CDC42BPA: variants seen among roughly 807,000 people sequenced by gnomAD.
CDC42BPA encodes CDC42 binding protein kinase alpha, also known as serine/threonine-protein kinase MRCK alpha.
A neutral mutation model predicts 223.5 loss-of-function variants in CDC42BPA; 80 were observed. That is an observed-to-expected ratio of 0.36 (90% confidence interval 0.30 to 0.43). The LOEUF is 0.43. Ranked by LOEUF, CDC42BPA falls within the 20% of genes least tolerant of loss-of-function variation. CDC42BPA has a pLI of 1.00. For synonymous variants in CDC42BPA, 694 were observed against 718.6 expected (o/e 0.97, Z 0.55); for missense variants, 1,743 against 2,099.9 (o/e 0.83, Z 3.32).
At chr1:227,200,438 A>AAAAGC (rs61509120) in intron 3 of CDC42BPA, among the ~76,000 whole-genome samples, 1 of 96,026 alleles carries the variant, frequency 1.0e-5, no homozygotes, top group African/African-American at 3.6e-5. Flanking sequence ...CTTAAAAAAC[A>AAAAGC]AACAAACAAA....
chr1:227,316,597 C>T (rs1466120128), intron 1 of CDC42BPA, among the ~76,000 whole-genome samples: 1 of 152,204 alleles, frequency 6.6e-6, no homozygotes, highest in East Asian at 1.9e-4. Flanking sequence ...TTTAATATCT[C>T]CTCCTATTTT....
intron 15 of CDC42BPA, among the ~76,000 whole-genome samples, chr1:227,100,314 T>C (rs1007690806): frequency 3.3e-5 from 5 of 152,096 alleles, no homozygotes; most frequent in Admixed American, 3.3e-4. Flanking sequence ...GTAGCAAGAG[T>C]GGTGATTCAA....
intron 2 of CDC42BPA, chr1:227,234,492 A>G (rs566288273): frequency 6.6e-6 from 1 of 152,382 alleles, no homozygotes; most frequent in South Asian, 2.1e-4. Flanking sequence ...ATTTAGACCA[A>G]TAAGAACACC....
chr1:227,006,990 A>AACAACAACC lies in CDC42BPA; in HGVS notation c.4858-1880_4858-1879insGGTTGTTGT, dbSNP rs1553294122. ...CAACAACAACAACAACAACAACAACAACCCCCCAGCAATTCTGCTTGGTGG... is the reference window on the plus strand; with the variant it reads ...CAACAACAACAACAACAACAACAACAACAACAACCACCCCCCAGCAATTCTGCTTGGTGG... On this transcript the variant is annotated intron_variant, in intron 34 of 36. Transcript: ENST00000366766. 1.1e-4 allele frequency among the ~76,000 whole-genome samples: 15 copies of AACAACAACC among 141,270 alleles called. No homozygotes were observed. The East Asian group carries it at 2.6e-3, about 24-fold the overall frequency. The allele number at this position is 141,270 out of a possible 152,430, so 92.7% of individuals were successfully genotyped here.
intron 6 of CDC42BPA, among the ~76,000 whole-genome samples, chr1:227,155,700 G>A (rs183242589): frequency 1.6e-4 from 25 of 152,136 alleles, no homozygotes; most frequent in Non-Finnish European, 2.8e-4. Context: ...AGAGCAAAGT[G>A]GTCACTTACA....
chr1:227,156,419 TCTCAAAGACTTTGAGAGGCCTGCCATAGG>T (rs1381469085), intron 6 of CDC42BPA, among the ~76,000 whole-genome samples: 1 of 2,414 alleles, frequency 4.1e-4, no homozygotes, highest in Non-Finnish European at 3.1e-3. Flanking sequence ...CCTCCCAAAG[TCTCAAAGACTTTGAGAGGCCTGCCATAGG>T]CCTCTCAAAG....
chr1:227,310,992 A>G (rs997201182), intron 1 of CDC42BPA, among the ~76,000 whole-genome samples: 1 of 152,070 alleles, frequency 6.6e-6, no homozygotes, highest in African/African-American at 2.4e-5. Context: ...CACCCGGCCA[A>G]GGAGTTTTTA....
intron 1 of CDC42BPA, among the ~76,000 whole-genome samples, chr1:227,260,996 A>G (rs1454976426): frequency 6.6e-6 from 1 of 151,142 alleles, no homozygotes; most frequent in Non-Finnish European, 1.5e-5. Flanking sequence ...TACAAAGAAC[A>G]AAGTTACAGG....
chr1:227,109,819 T>C (rs1686608886), intron 14 of CDC42BPA, among the ~76,000 whole-genome samples: 1 of 151,378 alleles, frequency 6.6e-6, no homozygotes, highest in South Asian at 2.1e-4. Flanking sequence ...CGTTACTAGA[T>C]GATAGGAATT....
chr1:227,286,884 C>T (rs995248850), intron 1 of CDC42BPA, among the ~76,000 whole-genome samples: 7 of 152,156 alleles, frequency 4.6e-5, no homozygotes, highest in African/African-American at 9.7e-5. Context: ...TGGCATGTCA[C>T]GTGGCAAGAG....
intron 1 of CDC42BPA, among the ~76,000 whole-genome samples, chr1:227,314,176 TAG>T (rs767745856): frequency 1.3e-5 from 2 of 152,120 alleles, no homozygotes; most frequent in Admixed American, 1.3e-4. Context: ...TAATTTATTC[TAG>T]AGTTATGCTG....
intron 1 of CDC42BPA, among the ~76,000 whole-genome samples, chr1:227,280,496 CTG>C (rs1687840504): frequency 6.6e-6 from 1 of 152,160 alleles, no homozygotes; most frequent in South Asian, 2.1e-4. Flanking sequence ...AGAGTTCAGA[CTG>C]TTCTCAAACA....
At chr1:227,208,951 T>C (rs568858178) in intron 3 of CDC42BPA, among the ~76,000 whole-genome samples, 148 of 152,212 alleles carry the variant, frequency 9.7e-4, no homozygotes, top group Non-Finnish European at 1.4e-3. Flanking sequence ...ATGGGCAGTA[T>C]GGCCATTTTC....
chr1:227,308,991 T>G (rs1693048803), intron 1 of CDC42BPA, among the ~76,000 whole-genome samples: 3 of 152,202 alleles, frequency 2.0e-5, no homozygotes, highest in South Asian at 4.2e-4. Flanking sequence ...TAAGTAGTAC[T>G]TTGCAGTATA....
At chr1:227,054,584 G>C (rs188192116) in intron 21 of CDC42BPA, among the ~76,000 whole-genome samples, 10 of 152,210 alleles carry the variant, frequency 6.6e-5, no homozygotes, top group African/African-American at 2.4e-4. Context: ...TGGGATATTG[G>C]AGAAAGGAAA....
At chr1:227,179,514 T>C (rs990361802) in intron 5 of CDC42BPA, among the ~76,000 whole-genome samples, 2 of 151,306 alleles carry the variant, frequency 1.3e-5, no homozygotes, top group Non-Finnish European at 2.9e-5. Context: ...TGGGCACCTG[T>C]AGTCCCAGCT....
intron 18 of CDC42BPA, 68 bp downstream of exon 18, chr1:227,074,191 A>C (rs553987522): frequency 7.3e-7 from 1 of 1,371,770 alleles, no homozygotes; most frequent in African/African-American, 1.5e-5. Flanking sequence ...AATTGGATTT[A>C]TTATAGTGTT....
At chr1:227,199,939 A>G (rs1276555100) in intron 3 of CDC42BPA, among the ~76,000 whole-genome samples, 4 of 152,204 alleles carry the variant, frequency 2.6e-5, no homozygotes, top group Non-Finnish European at 1.5e-5. Flanking sequence ...TCCAGATAAT[A>G]TAAATGTCTA....
At chr1:227,092,083 A>C (rs1226673745) in intron 15 of CDC42BPA, 92 bp from the exon 16 acceptor site, 6 of 668,088 alleles carry the variant, frequency 9.0e-6, no homozygotes, top group Non-Finnish European at 1.3e-5. Flanking sequence ...TAAAACACAA[A>C]ATATCAGATT....
Sources: gnomAD v4.1 joint callset for allele counts (sites outside exome capture counted in the v4.1 genomes callset) on GRCh38, gnomAD v4.1.1 for gene constraint, MANE v1.5 for transcripts, NCBI Gene and HGNC (gene_info 2026-07-23, HGNC 2026-07-21) for gene names.